Variants in SESN1 observed in about 807,000 individuals in gnomAD.
SESN1 encodes sestrin-1.
Under a neutral mutation model 59.3 loss-of-function variants are expected in SESN1, and 30 were observed. The observed-to-expected ratio is 0.51, with a 90% CI of 0.38 to 0.69. The LOEUF is 0.69. SESN1 is among the 30% of genes least tolerant of loss of function. The probability of loss-of-function intolerance (pLI) is 0.00; values close to 1 mark genes in which losing one functional copy is unlikely to be tolerated. For missense variants in SESN1, 566 were observed against 673.0 expected, an observed-to-expected ratio of 0.84 and a Z score of 1.76; for synonymous variants, 197 against 219.9, an observed-to-expected ratio of 0.90 and a Z score of 0.92.
intron 1 of SESN1, among the ~76,000 whole-genome samples, chr6:109,033,448 A>T (rs764236562): frequency 3.3e-5 from 5 of 152,206 alleles, no homozygotes; most frequent in Non-Finnish European, 7.3e-5. Context: ...ATGCTTATCA[A>T]TAGGATGATA....
chr6:108,996,578 A>AG (rs1377374609), intron 5 of SESN1, among the ~76,000 whole-genome samples: 1 of 152,164 alleles, frequency 6.6e-6, no homozygotes, highest in African/African-American at 2.4e-5. Context: ...TTGAAATAAG[A>AG]GGGAAAGGAA....
intron 1 of SESN1, chr6:109,008,652 T>A (rs1779785007): frequency 2.8e-6 from 1 of 363,068 alleles, no homozygotes. Context: ...AATCCAAATT[T>A]AAGGTTCGAG....
rs71015570 is a variant in SESN1 at position 109,044,311 on chromosome 6, C to CAA, written c.280-41970_280-41969dup. Among the ~76,000 whole-genome samples the CAA allele has an allele frequency of 3.7e-3, 104 of 28,454 alleles. 24 individuals are homozygous for CAA. Among genetic ancestry groups the CAA allele is most frequent in the African/African-American group, 4.7e-3 (23 of 4,944 alleles). 18.7% of individuals were successfully genotyped at this position (28,454 alleles called of 152,430 possible). A position where few individuals can be genotyped will look rare whatever the true frequency, so the allele number is the denominator to read the frequency against. On this transcript the variant is annotated intron_variant, in intron 1 of 9. Coordinates refer to ENST00000436639, the MANE Select transcript of SESN1 (RefSeq NM_014454.3). ...TAGATGACACAGTGAGAACTTGCCT[C>CAA]AAAAAAAAAAAAAAAAAAAAAAAAA...
chr6:108,988,701 TA>T lies in SESN1; in HGVS notation c.1425-15del, dbSNP rs1465371594. On this transcript the variant is annotated splice_polypyrimidine_tract_variant and intron_variant, in intron 8 of 9. Transcript: ENST00000436639. ...TAATCATCATATCTGTTGAAAGACATAATGAGAATTATGATATTTTCAGTGT... is the reference window on the plus strand; with the variant it reads ...TAATCATCATATCTGTTGAAAGACATATGAGAATTATGATATTTTCAGTGT... The T allele has an allele frequency of 6.3e-7, 1 of 1,581,054 alleles. No individual in the cohort carries two copies. Among genetic ancestry groups the T allele is most frequent in the Non-Finnish European group, 8.6e-7 (1 of 1,162,238 alleles).
intron 1 of SESN1, among the ~76,000 whole-genome samples, chr6:109,076,790 T>C (rs1781038845): frequency 6.6e-6 from 1 of 152,232 alleles, no homozygotes; most frequent in African/African-American, 2.4e-5. Context: ...ATTTATTTGC[T>C]GTATTAAGCT....
rs1779226585 is a variant in SESN1, at chr6:108,987,394, T to C, written c.*150A>G. On this transcript the variant is annotated 3_prime_UTR_variant, in exon 10 of 10. Transcript: ENST00000436639. ...TCACTGCTTGTGCCAGCAGTGGTTTTCCACAGAAAAATAGCAGAAACTAAA... is the reference window on the plus strand; with the variant it reads ...TCACTGCTTGTGCCAGCAGTGGTTTCCCACAGAAAAATAGCAGAAACTAAA... 1.9e-6 allele frequency: 1 copy of C among 532,104 alleles called. No homozygotes were observed. The allele number at this position is 532,104 out of a possible 1,614,324, so 33.0% of individuals were successfully genotyped here. A position where few individuals can be genotyped will look rare whatever the true frequency, so the allele number is the denominator to read the frequency against.
intron 1 of SESN1, among the ~76,000 whole-genome samples, chr6:109,015,267 G>A (rs1779913128): frequency 6.6e-6 from 1 of 152,000 alleles, no homozygotes; most frequent in Admixed American, 6.6e-5. Flanking sequence ...CTTCTCCTTG[G>A]AACTCATAGA....
chr6:109,040,636 T>C (rs1388539818), intron 1 of SESN1, among the ~76,000 whole-genome samples: 1 of 151,912 alleles, frequency 6.6e-6, no homozygotes, highest in African/African-American at 2.4e-5. Context: ...GTTAAACATA[T>C]ATGTGACAAA....
chr6:109,088,968 C>T (rs1032663486), intron 1 of SESN1, among the ~76,000 whole-genome samples: 3 of 152,054 alleles, frequency 2.0e-5, no homozygotes, highest in Non-Finnish European at 2.9e-5. Flanking sequence ...GAATATTTCT[C>T]AAAAATGTGA....
chr6:109,000,293 A>T, intron 4 of SESN1, 198 bp downstream of exon 4: 1 of 423,918 alleles, frequency 2.4e-6, no homozygotes, highest in Non-Finnish European at 4.2e-6. Flanking sequence ...TGTGAACTAT[A>T]GAGTTACTAG....
chr6:109,007,038 G>A (rs1779746545), intron 1 of SESN1, among the ~76,000 whole-genome samples: 1 of 152,184 alleles, frequency 6.6e-6, no homozygotes, highest in African/African-American at 2.4e-5. Context: ...TCTCTGTGAA[G>A]GTGTGGCTGG....
intron 1 of SESN1, among the ~76,000 whole-genome samples, chr6:109,007,223 G>A (rs1779751421): frequency 6.6e-6 from 1 of 152,168 alleles, no homozygotes; most frequent in African/African-American, 2.4e-5. Flanking sequence ...ACCACAGAAA[G>A]ACTATGTTTT....
chr6:108,998,862 C>A, intron 4 of SESN1, 107 bp from the exon 5 acceptor site: 3 of 1,308,464 alleles, frequency 2.3e-6, no homozygotes, highest in South Asian at 3.2e-5. Flanking sequence ...TCATACAAAG[C>A]CTAGCATAAA....
At chr6:109,047,531 C>T in intron 1 of SESN1, among the ~76,000 whole-genome samples, 2 of 133,328 alleles carry the variant, frequency 1.5e-5, no homozygotes, top group Non-Finnish European at 3.4e-5. Context: ...GCGCCTCTGC[C>T]CGGCCGCCCC....
intron 1 of SESN1, among the ~76,000 whole-genome samples, chr6:109,067,408 A>C (rs540663089): frequency 8.5e-5 from 13 of 152,312 alleles, no homozygotes; most frequent in Admixed American, 1.3e-4. Flanking sequence ...TTGGAGGTAA[A>C]AGATAGTAAA....
intron 1 of SESN1, among the ~76,000 whole-genome samples, chr6:109,091,517 T>C (rs1781317532): frequency 6.6e-6 from 1 of 152,202 alleles, no homozygotes; most frequent in South Asian, 2.1e-4. Flanking sequence ...TTTCAGCTCC[T>C]AGAACTCATC....
intron 1 of SESN1, among the ~76,000 whole-genome samples, chr6:109,027,410 G>A (rs1299245667): frequency 1.3e-5 from 2 of 148,684 alleles, no homozygotes; most frequent in Admixed American, 6.7e-5. Context: ...CAGGGAGGTG[G>A]AGGCTGCAGT....
chr6:109,072,899 A>AT (rs752056225), intron 1 of SESN1, among the ~76,000 whole-genome samples: 37 of 150,640 alleles, frequency 2.5e-4, no homozygotes, highest in East Asian at 5.8e-4. Context: ...TATCTAGTCA[A>AT]TTTTTTTTTT....
At chr6:109,073,212 CA>C (rs1234459631) in intron 1 of SESN1, among the ~76,000 whole-genome samples, 3 of 149,578 alleles carry the variant, frequency 2.0e-5, no homozygotes, top group African/African-American at 4.9e-5. Context: ...GTGGCACCTG[CA>C]AAAAAAAATC....
Sources: allele counts gnomAD v4.1 joint callset (sites outside exome capture counted in the v4.1 genomes callset), GRCh38; gene constraint gnomAD v4.1.1; transcripts MANE v1.5; gene names NCBI Gene and HGNC (gene_info 2026-07-23, HGNC 2026-07-21).